The following SLC19A1 variants were observed in gnomAD, a reference collection of about 807,000 sequenced individuals.
SLC19A1 encodes reduced folate transporter.
In SLC19A1, 37 loss-of-function variants were observed where a neutral mutation model predicts 35.3. That is an observed-to-expected ratio of 1.05 (90% CI 0.81 to 1.38). The LOEUF is 1.38. Ranked by LOEUF, SLC19A1 falls within the 40% of genes most tolerant of loss-of-function variation. SLC19A1 has a pLI of 0.00. For synonymous variants in SLC19A1, 460 were observed against 398.5 expected, an observed-to-expected ratio of 1.15 and a Z score of -1.84; for missense variants, 831 against 826.9, an observed-to-expected ratio of 1.00 and a Z score of -0.06.
In SLC19A1 at chr21:45,515,398, G is replaced by A. The variant is rs1307132006; in HGVS notation, c.*260C>T. 8.4e-6 allele frequency: 12 copies of A among 1,431,814 alleles called. No individual in the cohort carries two copies. The highest frequency in any genetic ancestry group is 2.5e-5 in the East Asian group (1 of 39,420). The allele number at this position is 1,431,814 out of a possible 1,614,324, so 88.7% of individuals were successfully genotyped here. On this transcript the variant is annotated 3_prime_UTR_variant, in exon 6 of 6. Transcript: ENST00000311124. ...CATGAGCCAGTGAGGCCTGGTGGAC[G>A]CAGAAGCCCACCACCCACCTCTTCC...
rs1479137414 is a variant in SLC19A1 at position 45,517,318 on chromosome 21, G to A, written c.1294-1178C>T. Reference sequence around the variant, plus strand: ...TTCGACAGGAATCGCCCTGCTCCCCGCAAACACCAGACCTCGGCTCCACCC... The same window carrying A: ...TTCGACAGGAATCGCCCTGCTCCCCACAAACACCAGACCTCGGCTCCACCC... On this transcript the variant is annotated intron_variant, in intron 5 of 5. Coordinates refer to ENST00000311124, the MANE Select transcript of SLC19A1 (RefSeq NM_194255.4). This position sits in a 1 kb window ranked among gnomAD's most constrained non-coding sequence, Gnocchi z 4.4. Among the ~76,000 whole-genome samples the A allele has an allele frequency of 6.6e-6, 1 of 152,094 alleles. No individual in the cohort carries two copies. The highest frequency in any genetic ancestry group is 2.4e-5 in the African/African-American group (1 of 41,400).
intron 3 of SLC19A1, chr21:45,503,923 G>A: frequency 6.8e-7 from 1 of 1,470,518 alleles, no homozygotes; most frequent in South Asian, 1.1e-5. Flanking sequence ...AGGGCCTCAG[G>A]CAAACCCACC....
rs1474884551 is a variant in SLC19A1 at position 45,516,057 on chromosome 21, C to G, written c.1377G>C (p.Gln459His). The change falls in exon 6 of 6, where the codon CAG becomes CAC. Residue 459 changes from glutamine (Q) to histidine (H), a missense_variant. Gln to His is a conservative substitution (Grantham distance 24). Coordinates refer to ENST00000311124, the MANE Select transcript of SLC19A1 (RefSeq NM_194255.4). ...GGGGCTGCCGCGGGTGGTGGCCCCG[C>G]TGGCAGTGCCGCAGGCCATCCAGCA... Reference protein sequence around the residue: ...GAMLDGLRHCQRGHHPRQPPA... With the variant: ...GAMLDGLRHCHRGHHPRQPPA... 6.3e-7 allele frequency: 1 copy of G among 1,588,392 alleles called. No individual in the cohort carries two copies. The highest frequency in any genetic ancestry group is 8.6e-7 in the Non-Finnish European group (1 of 1,169,478).
chr21:45,549,292 G>A (rs938853966), upstream of SLC19A1, among the ~76,000 whole-genome samples: 8 of 152,116 alleles, frequency 5.3e-5, no homozygotes, highest in African/African-American at 1.4e-4. Flanking sequence ...GGGAGGCTCC[G>A]TCCTGGAAGG....
chr21:45,510,300 C>G (rs1168391468), downstream of SLC19A1: 3 of 1,555,134 alleles, frequency 1.9e-6, no homozygotes, highest in Non-Finnish European at 2.6e-6. Flanking sequence ...GCTCCTCGGC[C>G]CCCACTTGAC....
At chr21:45,559,661 G>C (rs1290062504) in intron 1 of SLC19A1, among the ~76,000 whole-genome samples, 1 of 152,226 alleles carries the variant, frequency 6.6e-6, no homozygotes, top group Non-Finnish European at 1.5e-5. Flanking sequence ...GGCCACACCT[G>C]TGCGCGAGTT....
intron 4 of SLC19A1, among the ~76,000 whole-genome samples, chr21:45,529,348 G>C (rs1568993842): frequency 6.6e-6 from 1 of 152,230 alleles, no homozygotes; most frequent in African/African-American, 2.4e-5. Flanking sequence ...GCTCAAACAG[G>C]CTCGTGACCA....
At chr21:45,505,129 C>G in intron 3 of SLC19A1, 1 of 1,608,304 alleles carries the variant, frequency 6.2e-7, no homozygotes, top group Non-Finnish European at 8.5e-7. Context: ...TGTCGCCGTC[C>G]GTAGGGTCCC....
chr21:45,509,060 C>T (rs1365917843), downstream of SLC19A1, among the ~76,000 whole-genome samples: 3 of 152,096 alleles, frequency 2.0e-5, no homozygotes, highest in African/African-American at 4.8e-5. Flanking sequence ...GAATTGGAGC[C>T]GCGGCAAAGG....
At chr21:45,561,517 T>C (rs1399712234) in intron 1 of SLC19A1, among the ~76,000 whole-genome samples, 1 of 152,052 alleles carries the variant, frequency 6.6e-6, no homozygotes, top group Non-Finnish European at 1.5e-5. Flanking sequence ...TCCCAGCACA[T>C]TGGGAGGCTG....
At chr21:45,556,466 C>T (rs2078563306) in intron 1 of SLC19A1, among the ~76,000 whole-genome samples, 1 of 152,256 alleles carries the variant, frequency 6.6e-6, no homozygotes, top group Non-Finnish European at 1.5e-5. Context: ...TCAAGAGAAG[C>T]TTGAAATCTG....
chr21:45,527,869 C>T (rs1027704999), intron 4 of SLC19A1, among the ~76,000 whole-genome samples: 19 of 150,974 alleles, frequency 1.3e-4, no homozygotes, highest in Non-Finnish European at 2.4e-4. Context: ...AGAGGTGACA[C>T]GCCAGGCTTC....
chr21:45,526,178 G>A (rs985301591), intron 4 of SLC19A1, among the ~76,000 whole-genome samples: 2 of 152,218 alleles, frequency 1.3e-5, no homozygotes, highest in African/African-American at 4.8e-5. Context: ...GGCCATTCTG[G>A]GAGCTGCCGT....
intron 1 of SLC19A1, among the ~76,000 whole-genome samples, chr21:45,541,071 G>T (rs1345946842): frequency 6.6e-6 from 1 of 152,170 alleles, no homozygotes; most frequent in Non-Finnish European, 1.5e-5. Context: ...CTGTTCAGAT[G>T]ACCAAGTTCA....
intron 3 of SLC19A1, among the ~76,000 whole-genome samples, chr21:45,504,792 G>A (rs2037091073): frequency 6.6e-6 from 1 of 152,126 alleles, no homozygotes; most frequent in Non-Finnish European, 1.5e-5. Context: ...CCCTCCTGCT[G>A]GGGCCACGTG....
intron 5 of SLC19A1, among the ~76,000 whole-genome samples, chr21:45,525,102 G>C (rs148996117): frequency 2.0e-3 from 300 of 152,334 alleles, no homozygotes; most frequent in African/African-American, 7.0e-3. Context: ...GAGCTCTGGA[G>C]TCACTGAAGC....
At position 45,540,885 on chromosome 21, in the gene SLC19A1, C is replaced by A. The variant is rs2078283962; in HGVS notation, c.-50+1483G>T. ...CCAGCCCCACCCAGGCCCTGTCCTT[C>A]CAAGCACCAGAGAAGGCCAGAGACC... On this transcript the variant is annotated intron_variant, in intron 1 of 5. Coordinates refer to ENST00000311124, the MANE Select transcript of SLC19A1 (RefSeq NM_194255.4). This position sits in a 1 kb window ranked among gnomAD's most constrained non-coding sequence, Gnocchi z 5.5. Among the ~76,000 whole-genome samples the A allele has an allele frequency of 6.6e-6, 1 of 152,224 alleles. No individual in the cohort carries two copies. The highest frequency in any genetic ancestry group is 1.5e-5 in the Non-Finnish European group (1 of 68,050).
intron 3 of SLC19A1, chr21:45,505,016 C>T (rs555071929): frequency 4.0e-5 from 52 of 1,310,938 alleles, no homozygotes; most frequent in South Asian, 2.5e-4. Context: ...GGGAGGGGAC[C>T]GGTGACTCAG....
At chr21:45,507,664 T>C (rs371583084), downstream of SLC19A1, 1 of 1,433,444 alleles carries the variant, frequency 7.0e-7, no homozygotes, top group African/African-American at 1.4e-5. Flanking sequence ...GTCCCCTGTT[T>C]GAGGAACAAC....
Sources: allele counts gnomAD v4.1 joint callset (sites outside exome capture counted in the v4.1 genomes callset), GRCh38; gene constraint gnomAD v4.1.1; non-coding constraint Gnocchi (gnomAD v3.1); transcripts MANE v1.5; gene names NCBI Gene and HGNC (gene_info 2026-07-23, HGNC 2026-07-21).